Variants in NEDD4L observed in about 807,000 individuals in gnomAD.
NEDD4L encodes E3 ubiquitin-protein ligase NEDD4-like.
A neutral mutation model predicts 148.9 loss-of-function variants in NEDD4L; 54 were observed. That is an observed-to-expected ratio of 0.36 (90% CI 0.29 to 0.45). The LOEUF (loss-of-function observed/expected upper bound fraction) is 0.45, where lower values mean the gene tolerates loss of function less well. NEDD4L is among the 20% of genes least tolerant of loss of function. The probability of loss-of-function intolerance (pLI) is 1.00; values close to 1 mark genes in which losing one functional copy is unlikely to be tolerated. For synonymous variants in NEDD4L, 433 were observed against 440.7 expected (o/e 0.98, Z 0.22); for missense variants, 856 against 1,233.8 (o/e 0.69, Z 4.59).
chr18:58,057,083 G>A (rs973606864), intron 1 of NEDD4L, among the ~76,000 whole-genome samples: 2 of 151,910 alleles, frequency 1.3e-5, no homozygotes, highest in Non-Finnish European at 2.9e-5. Flanking sequence ...TGAGCCAGGG[G>A]TAAAGTCAGG....
intron 1 of NEDD4L, among the ~76,000 whole-genome samples, chr18:58,141,442 A>C (rs1420500945): frequency 3.9e-5 from 6 of 152,210 alleles, no homozygotes; most frequent in African/African-American, 4.8e-5. Context: ...CTGGGATGGA[A>C]ATAAGGCAAA....
chr18:58,044,742 CG>C, intron 1 of NEDD4L, 34 bp downstream of exon 1: 1 of 1,598,760 alleles, frequency 6.3e-7, no homozygotes, highest in East Asian at 2.3e-5. Flanking sequence ...CGGGACTCCC[CG>C]GGGAGTTCCT....
At chr18:58,282,398 T>C (rs1960394440) in intron 5 of NEDD4L, among the ~76,000 whole-genome samples, 1 of 152,224 alleles carries the variant, frequency 6.6e-6, no homozygotes. Context: ...CTGAAATTTA[T>C]ACTGCGAGCA....
Position 58,351,136 on chromosome 18 carries a change from CTT to C in NEDD4L, c.1708+93_1708+94del, listed in dbSNP as rs1032381622. On this transcript the variant is annotated intron_variant, in intron 18 of 30. Transcript: ENST00000400345. ...ATAGTGAAAGCTTTGTCATTTTACTCTTTATCTAGGCAGCCAGGTGTTATGTG... is the reference window on the plus strand; with the variant it reads ...ATAGTGAAAGCTTTGTCATTTTACTCTATCTAGGCAGCCAGGTGTTATGTG... 246 of 1,539,112 alleles carry C rather than the reference CTT, an allele frequency of 1.6e-4. No homozygotes were observed. The South Asian group carries it at 2.7e-3, about 17-fold the overall frequency.
At chr18:58,313,921 G>A (rs779367008) in intron 5 of NEDD4L, among the ~76,000 whole-genome samples, 8 of 152,236 alleles carry the variant, frequency 5.3e-5, no homozygotes, top group Non-Finnish European at 1.0e-4. Context: ...CTATCAGGCT[G>A]TGAAACAGCT....
chr18:58,333,914 T>G, intron 12 of NEDD4L, 22 bp downstream of exon 12: 1 of 1,578,426 alleles, frequency 6.3e-7, no homozygotes. Context: ...TAATTTCCAG[T>G]CATCAGTTGA....
chr18:58,108,772 G>C (rs1445688238), intron 1 of NEDD4L, among the ~76,000 whole-genome samples: 8 of 152,190 alleles, frequency 5.3e-5, no homozygotes, highest in Admixed American at 2.0e-4. Flanking sequence ...ACTGGATTTT[G>C]ACTTAAGGCT....
chr18:58,116,445 A>T (rs889341670), intron 1 of NEDD4L, among the ~76,000 whole-genome samples: 1 of 152,196 alleles, frequency 6.6e-6, no homozygotes, highest in Non-Finnish European at 1.5e-5. Context: ...GATCTGCTGC[A>T]TCAGAGTTTA....
intron 5 of NEDD4L, among the ~76,000 whole-genome samples, chr18:58,311,541 G>A (rs908831434): frequency 6.6e-6 from 1 of 152,114 alleles, no homozygotes; most frequent in African/African-American, 2.4e-5. Flanking sequence ...GCACAGTCAG[G>A]TGCTCTCCCT....
chr18:58,375,236 ACTT>A (rs1254432128), intron 24 of NEDD4L, among the ~76,000 whole-genome samples: 2 of 151,172 alleles, frequency 1.3e-5, no homozygotes, highest in African/African-American at 4.9e-5. Flanking sequence ...TGCTCCGATC[ACTT>A]CTTGACTGCT....
chr18:58,184,755 C>T (rs531266117), intron 2 of NEDD4L, among the ~76,000 whole-genome samples: 3 of 152,050 alleles, frequency 2.0e-5, no homozygotes, highest in African/African-American at 7.2e-5. Flanking sequence ...GGTGAAACCC[C>T]GTCTCTACTA....
intron 1 of NEDD4L, among the ~76,000 whole-genome samples, chr18:58,157,185 C>CA (rs59302556): frequency 0.24 from 21,544 of 88,926 alleles, 2,000 homozygotes; most frequent in African/African-American, 0.3. Context: ...GACCTTGTCT[C>CA]AAAAAAAAAA....
At chr18:58,365,126 G>A (rs1292450090) in intron 20 of NEDD4L, among the ~76,000 whole-genome samples, 2 of 152,176 alleles carry the variant, frequency 1.3e-5, no homozygotes, top group African/African-American at 4.8e-5. Context: ...GAACATCTCT[G>A]GATGGGGCAC....
At position 58,400,260 on chromosome 18, in the gene NEDD4L, T is replaced by G. The variant is rs897991100; in HGVS notation, c.*3991T>G. 6.6e-6 allele frequency: 1 copy of G among 152,216 alleles called. No homozygotes were observed. The highest frequency in any genetic ancestry group is 2.4e-5 in the African/African-American group (1 of 41,446). The allele number at this position is 152,216 out of a possible 1,614,324, so 9.4% of individuals were successfully genotyped here. A position where few individuals can be genotyped will look rare whatever the true frequency, so the allele number is the denominator to read the frequency against. On this transcript the variant is annotated 3_prime_UTR_variant, in exon 31 of 31. Transcript: ENST00000400345. ...ATCACTACCTCTGTCATTCAGGCAT[T>G]GGGGTACATCCTGATAAGTCGTGTC...
chr18:58,281,750 G>A (rs1336002858), intron 5 of NEDD4L, among the ~76,000 whole-genome samples: 1 of 152,042 alleles, frequency 6.6e-6, no homozygotes, highest in Admixed American at 6.5e-5. Context: ...TGTTGGCTGG[G>A]CGCGGTGGCT....
intron 2 of NEDD4L, among the ~76,000 whole-genome samples, chr18:58,189,164 T>C (rs2039811149): frequency 6.6e-6 from 1 of 152,168 alleles, no homozygotes; most frequent in African/African-American, 2.4e-5. Flanking sequence ...TTAGACTTTA[T>C]AAAGCCCACG....
intron 1 of NEDD4L, among the ~76,000 whole-genome samples, chr18:58,059,972 G>T (rs1426053280): frequency 2.0e-5 from 3 of 152,092 alleles, no homozygotes; most frequent in Non-Finnish European, 4.4e-5. Context: ...CATTTTATAG[G>T]TGGGGAAACT....
At chr18:58,247,653 CGAG>C (rs2047427547) in intron 3 of NEDD4L, 1 of 152,604 alleles carries the variant, frequency 6.6e-6, no homozygotes, top group South Asian at 2.1e-4. Context: ...CGTTCGGGTG[CGAG>C]AACTGCCGTC....
chr18:58,394,935 G>A (rs373901940), intron 30 of NEDD4L, among the ~76,000 whole-genome samples: 10 of 152,182 alleles, frequency 6.6e-5, no homozygotes, highest in African/African-American at 2.4e-4. Context: ...TTGAGCACTC[G>A]CGGCAGAGGC....
Sources: allele counts gnomAD v4.1 joint callset (sites outside exome capture counted in the v4.1 genomes callset), GRCh38; gene constraint gnomAD v4.1.1; transcripts MANE v1.5; gene names NCBI Gene and HGNC (gene_info 2026-07-23, HGNC 2026-07-21).